EPHA3: variants seen among roughly 807,000 people sequenced by gnomAD.
EPHA3 encodes ephrin type-A receptor 3.
Under a neutral mutation model 107.1 loss-of-function variants are expected in EPHA3, and 42 were observed. The observed-to-expected ratio is 0.39, with a 90% CI of 0.31 to 0.51. The LOEUF (loss-of-function observed/expected upper bound fraction) is 0.51, where lower values mean the gene tolerates loss of function less well. Among genes scored for constraint, EPHA3 ranks in the 20% least tolerant of loss-of-function variants. The pLI is 0.78. For missense variants in EPHA3, 1,183 were observed against 1,211.2 expected (o/e 0.98, Z 0.35); for synonymous variants, 461 against 424.8 (o/e 1.09, Z -1.05).
chr3:89,289,022 T>C lies in EPHA3; in HGVS notation c.815-51894T>C, dbSNP rs377089343. On this transcript the variant is annotated intron_variant, in intron 3 of 16. Coordinates refer to ENST00000336596, the MANE Select transcript of EPHA3 (RefSeq NM_005233.6). ...ATATTAACATGGCACCTACTATGTG[T>C]CAAATTTCTATGTCTTTACCTATAC... Among the ~76,000 whole-genome samples, 6 of 152,288 alleles carry C rather than the reference T, an allele frequency of 3.9e-5. No homozygotes were observed. In the East Asian group the frequency reaches 1.2e-3, roughly 29 times the overall value.
chr3:89,160,633 G>T (rs1207466510), intron 2 of EPHA3, among the ~76,000 whole-genome samples: 1 of 145,412 alleles, frequency 6.9e-6, no homozygotes, highest in Non-Finnish European at 1.5e-5. Context: ...CCAAAGTTTG[G>T]ATCATGTTGT....
chr3:89,227,311 A>G (rs1418847281), intron 3 of EPHA3, among the ~76,000 whole-genome samples: 5 of 152,024 alleles, frequency 3.3e-5, no homozygotes, highest in Non-Finnish European at 5.9e-5. Flanking sequence ...TGAGAAACAA[A>G]TAACAGCTAC....
At chr3:89,297,621 A>G (rs1335511390) in intron 3 of EPHA3, among the ~76,000 whole-genome samples, 2 of 152,198 alleles carry the variant, frequency 1.3e-5, no homozygotes, top group South Asian at 4.1e-4. Flanking sequence ...ACACAGAAAC[A>G]TGAAGTGAGC....
chr3:89,116,786 T>C (rs1260013396), intron 1 of EPHA3, among the ~76,000 whole-genome samples: 11 of 151,686 alleles, frequency 7.3e-5, no homozygotes, highest in African/African-American at 2.7e-4. Flanking sequence ...TTTCAAGCTA[T>C]TGGCATATTT....
intron 16 of EPHA3, among the ~76,000 whole-genome samples, chr3:89,478,966 C>A (rs1195891234): frequency 6.6e-6 from 1 of 152,122 alleles, no homozygotes; most frequent in Non-Finnish European, 1.5e-5. Context: ...TCTGGTGGAT[C>A]CTGGTATTCT....
At chr3:89,309,029 G>A (rs1706700151) in intron 3 of EPHA3, among the ~76,000 whole-genome samples, 3 of 152,094 alleles carry the variant, frequency 2.0e-5, no homozygotes, top group Admixed American at 2.0e-4. Flanking sequence ...AGAGAGTGGT[G>A]TCTTAGAAGC....
At chr3:89,387,356 G>A (rs551830239) in intron 5 of EPHA3, among the ~76,000 whole-genome samples, 1 of 152,222 alleles carries the variant, frequency 6.6e-6, no homozygotes, top group African/African-American at 2.4e-5. Context: ...AGTTTTGTAA[G>A]GGCTTCCCTG....
chr3:89,302,891 T>C (rs566226732), intron 3 of EPHA3, among the ~76,000 whole-genome samples: 1 of 152,122 alleles, frequency 6.6e-6, no homozygotes, highest in Non-Finnish European at 1.5e-5. Flanking sequence ...TATTCTTTTT[T>C]TATTTTATTT....
At chr3:89,316,505 A>AATATATATATATATATAT (rs58576798) in intron 3 of EPHA3, among the ~76,000 whole-genome samples, 25 of 104,130 alleles carry the variant, frequency 2.4e-4, no homozygotes, top group East Asian at 1.3e-3. Context: ...GTGTGTGTGT[A>AATATATATATATATATAT]ATATATATAT....
intron 2 of EPHA3, among the ~76,000 whole-genome samples, chr3:89,171,265 C>T (rs752704206): frequency 1.8e-4 from 27 of 152,018 alleles, no homozygotes; most frequent in Non-Finnish European, 3.7e-4. Flanking sequence ...TTTTCAAATG[C>T]CTCTTGTCAT....
At chr3:89,390,770 G>A (rs1416045568) in intron 5 of EPHA3, among the ~76,000 whole-genome samples, 1 of 147,810 alleles carries the variant, frequency 6.8e-6, no homozygotes, top group African/African-American at 2.6e-5. Flanking sequence ...CTTCTTGGAA[G>A]AGAAATTGAA....
chr3:89,396,479 G>A lies in EPHA3; in HGVS notation c.1431+518G>A, dbSNP rs1179807281. ...GTTGGGGATAGATGGATAAATTTGC[G>A]TGACATAAAGTTGTGGCTTGGTAAT... is the stretch of plus-strand genomic sequence containing the variant. On this transcript the variant is annotated intron_variant, in intron 6 of 16. Coordinates refer to ENST00000336596, the MANE Select transcript of EPHA3 (RefSeq NM_005233.6). Among the ~76,000 whole-genome samples the A allele has an allele frequency of 5.9e-5, 9 of 152,042 alleles. No homozygotes were observed. In the East Asian group the frequency reaches 1.2e-3, roughly 20 times the overall value.
At chr3:89,202,142 A>G (rs1397513238) in intron 2 of EPHA3, among the ~76,000 whole-genome samples, 1 of 151,982 alleles carries the variant, frequency 6.6e-6, no homozygotes, top group Non-Finnish European at 1.5e-5. Flanking sequence ...TACAGAACAT[A>G]TTGTCATCTA....
chr3:89,251,329 A>C lies in EPHA3; in HGVS notation c.814+40809A>C, dbSNP rs541499235. 6.6e-5 allele frequency among the ~76,000 whole-genome samples: 10 copies of C among 152,202 alleles called. 1 individual carries two copies. In the South Asian group the frequency reaches 2.1e-3, roughly 31 times the overall value. On this transcript the variant is annotated intron_variant, in intron 3 of 16. Coordinates refer to ENST00000336596, the MANE Select transcript of EPHA3 (RefSeq NM_005233.6). The stretch of plus-strand genomic sequence containing the variant: ...GGGATTTTTTAAATCTTTCCAATAG[A>C]TTATAATTTTTTTAAAAGAGGAGAT...
intron 3 of EPHA3, among the ~76,000 whole-genome samples, chr3:89,241,398 T>G (rs1470306565): frequency 2.0e-5 from 3 of 152,164 alleles, no homozygotes; most frequent in African/African-American, 7.2e-5. Context: ...AAATTTACTA[T>G]AGTGGTGGTG....
intron 2 of EPHA3, among the ~76,000 whole-genome samples, chr3:89,162,120 A>C (rs1346280212): frequency 6.6e-6 from 1 of 152,094 alleles, no homozygotes; most frequent in Non-Finnish European, 1.5e-5. Context: ...GAATTAGATG[A>C]ACACATAATT....
At chr3:89,287,228 C>A (rs1706108786) in intron 3 of EPHA3, among the ~76,000 whole-genome samples, 1 of 152,110 alleles carries the variant, frequency 6.6e-6, no homozygotes, top group Non-Finnish European at 1.5e-5. Context: ...AGCCACAGAA[C>A]AACCCTGATT....
intron 3 of EPHA3, among the ~76,000 whole-genome samples, chr3:89,305,927 A>G (rs1303851219): frequency 2.0e-5 from 3 of 152,176 alleles, no homozygotes; most frequent in Non-Finnish European, 4.4e-5. Flanking sequence ...TCTATTTCCT[A>G]GAGTAGGAGA....
At chr3:89,167,146 G>A (rs1354944425) in intron 2 of EPHA3, among the ~76,000 whole-genome samples, 1 of 152,102 alleles carries the variant, frequency 6.6e-6, no homozygotes, top group Non-Finnish European at 1.5e-5. Flanking sequence ...AGATAGTATT[G>A]TATATTTTTA....
Sources: gnomAD v4.1 joint callset for allele counts (sites outside exome capture counted in the v4.1 genomes callset) on GRCh38, gnomAD v4.1.1 for gene constraint, MANE v1.5 for transcripts, NCBI Gene and HGNC (gene_info 2026-07-23, HGNC 2026-07-21) for gene names.